Variants in NR2F1-AS1 observed in about 807,000 individuals in gnomAD.
NR2F1-AS1 encodes NR2F1 antisense RNA 1.
intron 4 of NR2F1-AS1, among the ~76,000 whole-genome samples, chr5:93,426,062 T>C (rs1340432620): frequency 6.6e-6 from 1 of 151,818 alleles, no homozygotes; most frequent in African/African-American, 2.4e-5. Flanking sequence ...TTTTTTAAGA[T>C]AGAGTCTCAC....
chr5:93,574,772 G>A (rs1752858938), intron 1 of NR2F1-AS1, among the ~76,000 whole-genome samples: 1 of 152,022 alleles, frequency 6.6e-6, no homozygotes, highest in Admixed American at 6.5e-5. Flanking sequence ...CACAGTGAGT[G>A]GAAAAAATGT....
chr5:93,571,459 A>G (rs563939316), intron 1 of NR2F1-AS1: 10 of 149,718 alleles, frequency 6.7e-5, no homozygotes, highest in African/African-American at 2.2e-4. Flanking sequence ...ACTAGATGAG[A>G]CTAGACAGTG....
At chr5:93,433,768 C>T (rs1240823206) in intron 4 of NR2F1-AS1, among the ~76,000 whole-genome samples, 1 of 152,156 alleles carries the variant, frequency 6.6e-6, no homozygotes, top group Non-Finnish European at 1.5e-5. Flanking sequence ...ATGACCTTGT[C>T]ATTTAGTGAG....
At chr5:93,482,901 G>A (rs1337042876) in intron 4 of NR2F1-AS1, among the ~76,000 whole-genome samples, 1 of 152,188 alleles carries the variant, frequency 6.6e-6, no homozygotes, top group Non-Finnish European at 1.5e-5. Flanking sequence ...TGCCTTTCTA[G>A]ATTTCCCCTC....
intron 4 of NR2F1-AS1, among the ~76,000 whole-genome samples, chr5:93,466,905 G>GT (rs1033387602): frequency 3.7e-4 from 8 of 21,638 alleles, no homozygotes; most frequent in African/African-American, 7.5e-4. Flanking sequence ...TCCCTTTTTT[G>GT]GGGGGGGGGG....
intron 4 of NR2F1-AS1, among the ~76,000 whole-genome samples, chr5:93,478,442 C>A (rs1750532428): frequency 6.6e-6 from 1 of 152,118 alleles, no homozygotes; most frequent in Admixed American, 6.6e-5. Context: ...CTTGCTCTGT[C>A]ATCCAGGCTG....
At chr5:93,584,130 C>G (rs1753178875), upstream of NR2F1-AS1, 1 of 150,360 alleles carries the variant, frequency 6.7e-6, no homozygotes, top group African/African-American at 2.4e-5. Context: ...TCCCCGCACT[C>G]CCGAGCCCGG....
At chr5:93,512,767 T>G (rs1751325969) in intron 4 of NR2F1-AS1, among the ~76,000 whole-genome samples, 1 of 152,208 alleles carries the variant, frequency 6.6e-6, no homozygotes, top group Non-Finnish European at 1.5e-5. Flanking sequence ...TCTACAGTAC[T>G]AAGCACATTA....
At chr5:93,442,602 C>A (rs987033761) in intron 4 of NR2F1-AS1, among the ~76,000 whole-genome samples, 12 of 152,344 alleles carry the variant, frequency 7.9e-5, no homozygotes, top group African/African-American at 2.9e-4. Flanking sequence ...TATGTAGACT[C>A]CACCTCTGGG....
At chr5:93,444,317 A>G (rs1580228941) in intron 4 of NR2F1-AS1, among the ~76,000 whole-genome samples, 1 of 152,220 alleles carries the variant, frequency 6.6e-6, no homozygotes, top group East Asian at 1.9e-4. Flanking sequence ...TCTCAGGTGC[A>G]GAGACACACA....
intron 4 of NR2F1-AS1, chr5:93,543,333 C>G (rs559688128): frequency 6.6e-6 from 1 of 152,248 alleles, no homozygotes; most frequent in South Asian, 2.1e-4. Context: ...TAAAACTACA[C>G]TTGCGTATTT....
intron 4 of NR2F1-AS1, among the ~76,000 whole-genome samples, chr5:93,539,646 G>C (rs1262776329): frequency 2.0e-5 from 3 of 152,032 alleles, no homozygotes; most frequent in Non-Finnish European, 4.4e-5. Context: ...TTGGTCAATG[G>C]GTGCAAAGTT....
rs1752920586 is a variant in NR2F1-AS1, at chr5:93,577,379, T to C, written n.313+3088A>G. 1.3e-5 allele frequency among the ~76,000 whole-genome samples: 2 copies of C among 152,236 alleles called. 1 individual carries two copies. The highest frequency in any genetic ancestry group is 4.1e-4 in the South Asian group (2 of 4,832). ...CCTGGAGTCTGTTGGGTTCATGGTT[T>C]GACTATATGTGCACGCTAAGGGTAG... On this transcript the variant is annotated intron_variant and non_coding_transcript_variant, in intron 1 of 5. Coordinates refer to ENST00000660523, the Ensembl canonical transcript of NR2F1-AS1.
At chr5:93,492,577 G>T (rs1488842090) in intron 4 of NR2F1-AS1, among the ~76,000 whole-genome samples, 1 of 151,996 alleles carries the variant, frequency 6.6e-6, no homozygotes, top group Non-Finnish European at 1.5e-5. Context: ...TAAAGTCAAA[G>T]ACCTCAAAAG....
At chr5:93,510,529 C>A (rs1213559899) in intron 4 of NR2F1-AS1, among the ~76,000 whole-genome samples, 1 of 151,936 alleles carries the variant, frequency 6.6e-6, no homozygotes, top group Non-Finnish European at 1.5e-5. Flanking sequence ...CCTCATTTTT[C>A]AAAAATGGAA....
At chr5:93,551,927 C>A (rs1752239943) in intron 4 of NR2F1-AS1, among the ~76,000 whole-genome samples, 1 of 152,116 alleles carries the variant, frequency 6.6e-6, no homozygotes, top group Non-Finnish European at 1.5e-5. Flanking sequence ...TACTGTTTTC[C>A]ACACTGAATA....
chr5:93,579,549 C>T lies in NR2F1-AS1; in HGVS notation n.313+918G>A, dbSNP rs1752970925. Among the ~76,000 whole-genome samples the T allele has an allele frequency of 6.6e-6, 1 of 152,186 alleles. No individual in the cohort carries two copies. Among genetic ancestry groups the T allele is most frequent in the Admixed American group, 6.5e-5 (1 of 15,288 alleles). On this transcript the variant is annotated intron_variant and non_coding_transcript_variant, in intron 1 of 5. Coordinates refer to ENST00000660523, the Ensembl canonical transcript of NR2F1-AS1. This position sits in a 1 kb window ranked among gnomAD's most constrained non-coding sequence, Gnocchi z 5.1. ...TTGGCCCTCACCTACAGGGCCTGACCCCGGGCCAGCCCAGCTAGGCAAGGC... is the reference window on the plus strand; with the variant it reads ...TTGGCCCTCACCTACAGGGCCTGACTCCGGGCCAGCCCAGCTAGGCAAGGC...
At chr5:93,464,042 G>A (rs553956522) in intron 4 of NR2F1-AS1, among the ~76,000 whole-genome samples, 1 of 152,256 alleles carries the variant, frequency 6.6e-6, no homozygotes, top group South Asian at 2.1e-4. Flanking sequence ...AGATTTCGGA[G>A]GGGCCAGAGG....
chr5:93,473,922 A>G (rs1189687971), intron 4 of NR2F1-AS1, among the ~76,000 whole-genome samples: 1 of 152,038 alleles, frequency 6.6e-6, no homozygotes, highest in Non-Finnish European at 1.5e-5. Context: ...AAATGAAACT[A>G]GCTTATAAAA....
Sources: gnomAD v4.1 joint callset for allele counts (sites outside exome capture counted in the v4.1 genomes callset) on GRCh38, gnomAD v4.1.1 for gene constraint, Gnocchi (gnomAD v3.1) non-coding constraint, MANE v1.5 for transcripts, NCBI Gene and HGNC (gene_info 2026-07-23, HGNC 2026-07-21) for gene names.